ATXN1: variants seen among roughly 807,000 people sequenced by gnomAD.
The protein encoded by ATXN1 is ataxin 1.
A neutral mutation model predicts 56.4 loss-of-function variants in ATXN1; 8 were observed. That is an observed-to-expected ratio of 0.14 (90% CI 0.08 to 0.26). The LOEUF (loss-of-function observed/expected upper bound fraction) is 0.26, where lower values mean the gene tolerates loss of function less well. Ranked by LOEUF, ATXN1 falls within the 10% of genes least tolerant of loss-of-function variation. ATXN1 has a pLI of 1.00. For synonymous variants in ATXN1, 514 were observed against 494.6 expected, an observed-to-expected ratio of 1.04 and a Z score of -0.52; for missense variants, 987 against 1,106.5, an observed-to-expected ratio of 0.89 and a Z score of 1.53.
intron 6 of ATXN1, among the ~76,000 whole-genome samples, chr6:16,405,523 GA>G (rs1561883735): frequency 1.3e-5 from 2 of 151,986 alleles, no homozygotes; most frequent in Non-Finnish European, 2.9e-5. Context: ...TGGGAGCAAA[GA>G]GAAAACACAT....
At chr6:16,718,856 T>C (rs1200064874) in intron 2 of ATXN1, among the ~76,000 whole-genome samples, 1 of 152,190 alleles carries the variant, frequency 6.6e-6, no homozygotes, top group Non-Finnish European at 1.5e-5. Flanking sequence ...CACACACTTT[T>C]GTTCATAGGT....
chr6:16,311,719 T>G (rs1760395099), intron 7 of ATXN1, among the ~76,000 whole-genome samples: 1 of 152,212 alleles, frequency 6.6e-6, no homozygotes, highest in African/African-American at 2.4e-5. Flanking sequence ...CCATAGATCC[T>G]CTTGCAAACC....
rs1042371943 is a variant in ATXN1, at chr6:16,504,309, G to A, written c.-298-18200C>T. Among the ~76,000 whole-genome samples, 38 of 152,280 alleles carry A rather than the reference G, an allele frequency of 2.5e-4. 1 individual carries two copies. The highest frequency in any genetic ancestry group is 7.7e-4 in the East Asian group (4 of 5,182). ...TTTGGGCTTCCAGAAAGCATGCCTT[G>A]TAAAGAACAGGGCCTGTGTGTCAAA... On this transcript the variant is annotated intron_variant, in intron 5 of 7. Coordinates refer to ENST00000436367, the MANE Select transcript of ATXN1 (RefSeq NM_001128164.2).
intron 5 of ATXN1, among the ~76,000 whole-genome samples, chr6:16,511,519 C>T (rs1196534233): frequency 2.0e-5 from 3 of 152,126 alleles, no homozygotes; most frequent in Non-Finnish European, 4.4e-5. Flanking sequence ...TCAGGGTGCC[C>T]GATTTCCATT....
chr6:16,411,576 G>C (rs1758801930), intron 6 of ATXN1, among the ~76,000 whole-genome samples: 1 of 152,122 alleles, frequency 6.6e-6, no homozygotes, highest in East Asian at 1.9e-4. Flanking sequence ...AATCTCCCTG[G>C]CTGCATCAGG....
At chr6:16,758,626 G>C (rs1373521240) in intron 1 of ATXN1, among the ~76,000 whole-genome samples, 2 of 152,214 alleles carry the variant, frequency 1.3e-5, no homozygotes, top group Admixed American at 6.5e-5. Flanking sequence ...ACTTGGAGTA[G>C]TTCAGGCACA....
chr6:16,499,616 A>T (rs1450123770), intron 5 of ATXN1, among the ~76,000 whole-genome samples: 1 of 152,204 alleles, frequency 6.6e-6, no homozygotes, highest in Non-Finnish European at 1.5e-5. Context: ...CCCTGTCTTC[A>T]GATATCCACA....
chr6:16,473,835 A>G (rs1195612090), intron 6 of ATXN1, among the ~76,000 whole-genome samples: 2 of 152,160 alleles, frequency 1.3e-5, no homozygotes, highest in Non-Finnish European at 2.9e-5. Flanking sequence ...GCTTTGAGCC[A>G]CCTCTCAGTC....
chr6:16,489,924 A>G (rs1760627269), intron 5 of ATXN1, among the ~76,000 whole-genome samples: 1 of 152,194 alleles, frequency 6.6e-6, no homozygotes, highest in Non-Finnish European at 1.5e-5. Context: ...GGGTGGGGTC[A>G]GATAATTTGT....
At position 16,316,892 on chromosome 6, in the gene ATXN1, T is replaced by TTTTTTTTTTTA. The variant is rs1395125170; in HGVS notation, c.1917+9501_1917+9502insTAAAAAAAAAA. Among the ~76,000 whole-genome samples, 3 of 129,534 alleles carry TTTTTTTTTTTA rather than the reference T, an allele frequency of 2.3e-5. 1 individual carries two copies. The highest frequency in any genetic ancestry group is 8.6e-5 in the African/African-American group (3 of 34,968). 85.0% of individuals were successfully genotyped at this position (129,534 alleles called of 152,430 possible). A position where few individuals can be genotyped will look rare whatever the true frequency, so the allele number is the denominator to read the frequency against. ...TTTTTTTTTTTTTTTTTTTTTTTTT[T>TTTTTTTTTTTA]AACCAGCCAGAACTAAAGTGGGCTG... is the stretch of plus-strand genomic sequence containing the variant. On this transcript the variant is annotated intron_variant, in intron 7 of 7. Coordinates refer to ENST00000436367, the MANE Select transcript of ATXN1 (RefSeq NM_001128164.2).
chr6:16,568,039 A>G (rs1762261071), intron 4 of ATXN1, among the ~76,000 whole-genome samples: 1 of 152,222 alleles, frequency 6.6e-6, no homozygotes, highest in Non-Finnish European at 1.5e-5. Flanking sequence ...AAACCAACAC[A>G]GTAATTATAT....
chr6:16,443,916 A>T lies in ATXN1; in HGVS notation c.-161+42056T>A, dbSNP rs188873446. ...CCGATCACAAGGTCAGGAGATCGAG[A>T]CCATCCTGGCTAACACAGTGAAACC... On this transcript the variant is annotated intron_variant, in intron 6 of 7. Coordinates refer to ENST00000436367, the MANE Select transcript of ATXN1 (RefSeq NM_001128164.2). Among the ~76,000 whole-genome samples, 340 of 152,252 alleles carry T rather than the reference A, an allele frequency of 2.2e-3. 2 individuals are homozygous for T. Among genetic ancestry groups the T allele is most frequent in the Middle Eastern group, 6.8e-3 (2 of 294 alleles).
At chr6:16,751,542 T>C (rs1409861776) in intron 2 of ATXN1, among the ~76,000 whole-genome samples, 1 of 151,480 alleles carries the variant, frequency 6.6e-6, no homozygotes, top group East Asian at 1.9e-4. Flanking sequence ...AGACCACAAA[T>C]AACCACATTT....
At chr6:16,669,588 A>G (rs1169499249) in intron 2 of ATXN1, among the ~76,000 whole-genome samples, 1 of 151,924 alleles carries the variant, frequency 6.6e-6, no homozygotes, top group Non-Finnish European at 1.5e-5. Flanking sequence ...AATCACTGCT[A>G]TTAATCAGTA....
chr6:16,413,623 A>G (rs978553397), intron 6 of ATXN1, among the ~76,000 whole-genome samples: 24 of 152,232 alleles, frequency 1.6e-4, no homozygotes, highest in Admixed American at 3.3e-4. Context: ...AGTGAAACTG[A>G]CGAGCCCATA....
chr6:16,543,961 G>A (rs1353767283), intron 4 of ATXN1, among the ~76,000 whole-genome samples: 1 of 152,154 alleles, frequency 6.6e-6, no homozygotes, highest in Non-Finnish European at 1.5e-5. Flanking sequence ...ATGTTATCAA[G>A]AATCCTTTTT....
At chr6:16,686,344 C>T (rs1478471008) in intron 2 of ATXN1, among the ~76,000 whole-genome samples, 1 of 152,140 alleles carries the variant, frequency 6.6e-6, no homozygotes, top group East Asian at 1.9e-4. Context: ...GAGGTCATTT[C>T]AAATCTGATA....
intron 3 of ATXN1, among the ~76,000 whole-genome samples, chr6:16,604,723 C>T (rs1044623285): frequency 6.6e-6 from 1 of 150,686 alleles, no homozygotes; most frequent in Non-Finnish European, 1.5e-5. Context: ...GTAGCCGGGA[C>T]CACAGGCACA....
chr6:16,328,100 A>G lies in ATXN1; in HGVS notation c.211T>C (p.Leu71=). 6.2e-7 allele frequency: 1 copy of G among 1,601,316 alleles called. No homozygotes were observed. The highest frequency in any genetic ancestry group is 8.5e-7 in the Non-Finnish European group (1 of 1,170,756). The part of the protein sequence containing the change: ...GPAGTSVELG[L]QQGIGLHKAL... ...TTGTGTAAACCTATTCCCTGTTGTA[A>G]ACCAAGCTCCACCGAGGTCCCTGCC... Residue 71 remains leucine (L), a synonymous_variant, in exon 7 of 8, where the codon TTA becomes CTA. Coordinates refer to ENST00000436367, the MANE Select transcript of ATXN1 (RefSeq NM_001128164.2). This position sits in a 1 kb window ranked among gnomAD's most constrained non-coding sequence, Gnocchi z 6.2.
Sources: allele counts gnomAD v4.1 joint callset (sites outside exome capture counted in the v4.1 genomes callset), GRCh38; gene constraint gnomAD v4.1.1; non-coding constraint Gnocchi (gnomAD v3.1); transcripts MANE v1.5; gene names NCBI Gene and HGNC (gene_info 2026-07-23, HGNC 2026-07-21).